The following ZNF804A variants were observed in gnomAD, a reference collection of about 807,000 sequenced individuals.
ZNF804A encodes the protein zinc finger protein 804A.
ZNF804A carries 2 observed loss-of-function variants against 16.5 expected under a neutral mutation model. That is an observed-to-expected ratio of 0.12 (90% CI 0.05 to 0.38). ZNF804A has a LOEUF of 0.38. ZNF804A is among the 10% of genes least tolerant of loss of function. ZNF804A has a pLI of 0.99. For missense variants in ZNF804A, 1,473 were observed against 1,390.7 expected (o/e 1.06, Z -0.94); for synonymous variants, 534 against 489.6 (o/e 1.09, Z -1.20).
chr2:184,936,515 A>G lies in ZNF804A; in HGVS notation c.1119A>G (p.Gln373=), dbSNP rs759870018. 2 of 1,613,976 alleles carry G rather than the reference A, an allele frequency of 1.2e-6. No homozygotes were observed. The highest frequency in any genetic ancestry group is 8.5e-7 in the Non-Finnish European group (1 of 1,179,946). ...TGTCTAATGATTGCATATCTGTGCA[A>G]GCTACCACAGAGGAAAATGTTAAGC... ...LDMSNDCISV[Q]ATTEENVKHN... Residue 373 remains glutamine (Q), a synonymous_variant, in exon 4 of 4, where the codon CAA becomes CAG. Transcript: ENST00000302277.
At chr2:184,796,342 G>A (rs185607931) in intron 1 of ZNF804A, among the ~76,000 whole-genome samples, 71 of 151,174 alleles carry the variant, frequency 4.7e-4, no homozygotes, top group African/African-American at 1.7e-3. Context: ...GAATCTGTCT[G>A]GTCCTGGAAT....
intron 1 of ZNF804A, among the ~76,000 whole-genome samples, chr2:184,770,030 CTAGA>C (rs1326755186): frequency 5.3e-5 from 8 of 151,936 alleles, no homozygotes; most frequent in African/African-American, 1.9e-4. Context: ...CATATTTTAA[CTAGA>C]TAAATAAGCT....
chr2:184,742,399 A>G (rs1693721440), intron 1 of ZNF804A, among the ~76,000 whole-genome samples: 1 of 151,986 alleles, frequency 6.6e-6, no homozygotes. Context: ...AAAGTACCTG[A>G]CAGCTGCCTT....
At chr2:184,882,011 G>A (rs1684816447) in intron 2 of ZNF804A, among the ~76,000 whole-genome samples, 1 of 151,996 alleles carries the variant, frequency 6.6e-6, no homozygotes, top group South Asian at 2.1e-4. Flanking sequence ...TGGATAAAAA[G>A]CAAGACCCAG....
intron 2 of ZNF804A, among the ~76,000 whole-genome samples, chr2:184,871,255 C>A (rs1695968612): frequency 6.6e-6 from 1 of 151,654 alleles, no homozygotes; most frequent in African/African-American, 2.4e-5. Context: ...CAGTAATAAT[C>A]ACCTACAAAG....
chr2:184,752,734 G>T (rs551816101), intron 1 of ZNF804A, among the ~76,000 whole-genome samples: 3 of 151,390 alleles, frequency 2.0e-5, no homozygotes, highest in Non-Finnish European at 3.0e-5. Context: ...AATATATAAC[G>T]TTTAATATTG....
At chr2:184,927,500 G>A (rs908268054) in intron 2 of ZNF804A, among the ~76,000 whole-genome samples, 1 of 152,148 alleles carries the variant, frequency 6.6e-6, no homozygotes, top group African/African-American at 2.4e-5. Flanking sequence ...GCCACTACCT[G>A]GCTCCTCTTC....
chr2:184,896,979 A>T (rs1574261327), intron 2 of ZNF804A, among the ~76,000 whole-genome samples: 2 of 151,960 alleles, frequency 1.3e-5, no homozygotes, highest in Admixed American at 6.6e-5. Context: ...GGTGGGTTTT[A>T]TTGGTTGCTT....
At chr2:184,738,801 CAA>C (rs1693671910) in intron 1 of ZNF804A, among the ~76,000 whole-genome samples, 1 of 152,142 alleles carries the variant, frequency 6.6e-6, no homozygotes, top group African/African-American at 2.4e-5. Context: ...TAAATGGAAA[CAA>C]GACGTCTACA....
intron 1 of ZNF804A, among the ~76,000 whole-genome samples, chr2:184,834,938 T>C (rs914222800): frequency 1.3e-5 from 2 of 152,150 alleles, no homozygotes; most frequent in African/African-American, 4.8e-5. Flanking sequence ...TTATGAATGT[T>C]GAATTATGTA....
At chr2:184,796,321 G>C (rs1186954268) in intron 1 of ZNF804A, among the ~76,000 whole-genome samples, 1 of 151,694 alleles carries the variant, frequency 6.6e-6, no homozygotes, top group Non-Finnish European at 1.5e-5. Flanking sequence ...TGGCTGGTAG[G>C]ATTCTGCTAT....
chr2:184,936,445 G>C lies in ZNF804A; in HGVS notation c.1049G>C (p.Gly350Ala), dbSNP rs895709409. The change falls in exon 4 of 4, where the codon GGT (glycine) becomes GCT (alanine). Residue 350 changes from glycine (G) to alanine (A), a missense_variant. Transcript: ENST00000302277. ...ATTAATGAAGACATACCTGTTAGTG[G>C]TAACAGTTTTGAGTTGTTAGGAAAT... ...VVINEDIPVSGNSFELLGNKS... is the reference protein window; with the variant it reads ...VVINEDIPVSANSFELLGNKS... 12 of 1,613,762 alleles carry C rather than the reference G, an allele frequency of 7.4e-6. No individual in the cohort carries two copies. In the East Asian group the frequency reaches 2.2e-4, roughly 30 times the overall value.
At chr2:184,777,767 G>A (rs1694311281) in intron 1 of ZNF804A, among the ~76,000 whole-genome samples, 1 of 151,470 alleles carries the variant, frequency 6.6e-6, no homozygotes, top group Non-Finnish European at 1.5e-5. Context: ...TGTGTTTAGT[G>A]GGTTGTTTGT....
At chr2:184,645,777 G>A (rs557565079) in intron 1 of ZNF804A, among the ~76,000 whole-genome samples, 3 of 152,284 alleles carry the variant, frequency 2.0e-5, no homozygotes, top group Non-Finnish European at 2.9e-5. Context: ...TCTAATTCAA[G>A]AAGGAAAATG....
chr2:184,727,986 T>C (rs1693441519), intron 1 of ZNF804A, among the ~76,000 whole-genome samples: 1 of 151,694 alleles, frequency 6.6e-6, no homozygotes. Flanking sequence ...AAAATAGCAT[T>C]GGGTGGTTAT....
chr2:184,779,701 G>A (rs1694344607), intron 1 of ZNF804A, among the ~76,000 whole-genome samples: 1 of 151,666 alleles, frequency 6.6e-6, no homozygotes, highest in South Asian at 2.1e-4. Context: ...CATGAAACGG[G>A]GCTGGCCTCT....
intron 2 of ZNF804A, among the ~76,000 whole-genome samples, chr2:184,885,155 A>C (rs767244644): frequency 9.2e-5 from 14 of 152,192 alleles, no homozygotes; most frequent in Non-Finnish European, 1.5e-5. Context: ...ATACAATTTC[A>C]CATTAGTCAG....
chr2:184,860,742 A>T (rs1332175668), intron 1 of ZNF804A, among the ~76,000 whole-genome samples: 1 of 152,206 alleles, frequency 6.6e-6, no homozygotes, highest in Non-Finnish European at 1.5e-5. Context: ...CTGGACCTGG[A>T]TCCTGTGTCT....
At chr2:184,677,896 A>G (rs1692465402) in intron 1 of ZNF804A, among the ~76,000 whole-genome samples, 1 of 151,978 alleles carries the variant, frequency 6.6e-6, no homozygotes, top group African/African-American at 2.4e-5. Flanking sequence ...GGCTTGCATG[A>G]GTTTACAACC....
Sources: allele counts gnomAD v4.1 joint callset (sites outside exome capture counted in the v4.1 genomes callset), GRCh38; gene constraint gnomAD v4.1.1; transcripts MANE v1.5; gene names NCBI Gene and HGNC (gene_info 2026-07-23, HGNC 2026-07-21).